The following SNED1 variants were observed in gnomAD, a reference collection of about 807,000 sequenced individuals.
SNED1 encodes sushi, nidogen and EGF-like domain-containing protein 1.
A neutral mutation model predicts 166.7 loss-of-function variants in SNED1; 81 were observed. The ratio of observed to expected loss-of-function variants is 0.49; its 90% CI spans 0.41 to 0.58. The LOEUF (loss-of-function observed/expected upper bound fraction) is 0.58. SNED1 is among the 20% of genes least tolerant of loss of function. The probability of loss-of-function intolerance (pLI) is 0.00; values close to 1 mark genes in which losing one functional copy is unlikely to be tolerated. For synonymous variants in SNED1, 762 were observed against 822.0 expected (o/e 0.93, Z 1.25); for missense variants, 1,604 against 2,000.2 (o/e 0.80, Z 3.78).
intron 17 of SNED1, 78 bp downstream of exon 17, chr2:241,062,982 C>A: frequency 1.1e-6 from 1 of 933,978 alleles, no homozygotes; most frequent in Non-Finnish European, 1.6e-6. Context: ...GTCCCCCGGA[C>A]AGGTCTCTGT....
intron 1 of SNED1, among the ~76,000 whole-genome samples, chr2:241,008,790 C>T (rs1275111402): frequency 6.6e-6 from 1 of 152,264 alleles, no homozygotes; most frequent in Non-Finnish European, 1.5e-5. Flanking sequence ...GCGGGCCAGT[C>T]AGGGAGCACC....
chr2:241,019,162 G>GTGTGTGGACCAGGAGCACATGCCCATGT (rs2060691486), intron 1 of SNED1, among the ~76,000 whole-genome samples: 1 of 150,950 alleles, frequency 6.6e-6, no homozygotes, highest in Non-Finnish European at 1.5e-5. Context: ...CATGCCCATG[G>GTGTGTGGACCAGGAGCACATGCCCATGT]TGTGTGGACC....
At chr2:241,022,639 C>T (rs2060806949) in intron 1 of SNED1, among the ~76,000 whole-genome samples, 2 of 152,134 alleles carry the variant, frequency 1.3e-5, no homozygotes, top group Non-Finnish European at 2.9e-5. Flanking sequence ...AAACACTTAC[C>T]ACTTGTGGAG....
At chr2:241,031,464 A>G (rs2061166028) in intron 2 of SNED1, among the ~76,000 whole-genome samples, 1 of 152,204 alleles carries the variant, frequency 6.6e-6, no homozygotes, top group African/African-American at 2.4e-5. Context: ...GTGACAGGCA[A>G]GTGTTCTAGG....
At chr2:241,065,175 A>G (rs1410683160) in intron 20 of SNED1, 124 bp from the exon 21 acceptor site, 5 of 1,017,748 alleles carry the variant, frequency 4.9e-6, no homozygotes, top group Non-Finnish European at 7.2e-6. Context: ...ACAAAGAAGG[A>G]CTCTGCCAGC....
At chr2:241,087,814 T>C (rs1007647086) in intron 30 of SNED1, 18 of 696,904 alleles carry the variant, frequency 2.6e-5, no homozygotes, top group Non-Finnish European at 3.1e-5. Context: ...CGTCGCTCTT[T>C]ACTTTTTATT....
chr2:241,052,442 G>A lies in SNED1; in HGVS notation c.2057G>A (p.Gly686Glu). Reference sequence around the variant, plus strand: ...GATTTCTTCTGCCACTGCCAAGCAGGGTACATGGGACGCCGGTGCCAGGCA... The same window carrying A: ...GATTTCTTCTGCCACTGCCAAGCAGAGTACATGGGACGCCGGTGCCAGGCA... The part of the protein sequence containing the change: ...DTDFFCHCQA[G>E]YMGRRCQAEV... The change falls in exon 15 of 32, where the codon GGG (glycine) becomes GAG (glutamate). Residue 686 changes from glycine (G) to glutamate (E), a missense_variant. By Grantham distance (98) the Gly-to-Glu change is moderately conservative. This residue lies in a region of SNED1 where 1,237 missense variants were observed against 1,620.8 expected (regional missense o/e 0.76). Transcript: ENST00000310397. 1 of 1,610,132 alleles carries A rather than the reference G, an allele frequency of 6.2e-7. No homozygotes were observed. The highest frequency in any genetic ancestry group is 8.5e-7 in the Non-Finnish European group (1 of 1,178,116).
chr2:241,019,230 TC>T (rs1181087117), intron 1 of SNED1, among the ~76,000 whole-genome samples: 1 of 149,886 alleles, frequency 6.7e-6, no homozygotes, highest in African/African-American at 2.5e-5. Flanking sequence ...GAGGCTGGAG[TC>T]TTTCGGAGTT....
chr2:241,090,955 G>A (rs982443341), intron 31 of SNED1, among the ~76,000 whole-genome samples: 5 of 151,954 alleles, frequency 3.3e-5, no homozygotes, highest in South Asian at 2.1e-4. Flanking sequence ...TGTCATGCGC[G>A]CGGTCCTTCA....
chr2:241,090,266 G>A (rs1214037300), intron 31 of SNED1: 5 of 1,535,106 alleles, frequency 3.3e-6, no homozygotes, highest in Non-Finnish European at 4.4e-6. Flanking sequence ...ACACACATTG[G>A]CTTATGCCTA....
At position 241,067,129 on chromosome 2, in the gene SNED1, C is replaced by T. The variant is rs187675909; in HGVS notation, c.3011-635C>T. 7.4e-4 allele frequency among the ~76,000 whole-genome samples: 113 copies of T among 152,272 alleles called. 4 individuals carry two copies. In the East Asian group the frequency reaches 0.02, roughly 27 times the overall value. On this transcript the variant is annotated intron_variant, in intron 21 of 31. Coordinates refer to ENST00000310397, the MANE Select transcript of SNED1 (RefSeq NM_001080437.3). ...GAGTGAAGACAGAGCCCGCCCTGCC[C>T]GCTGCAGAGTTGGGGCTCCAGCCAG...
intron 1 of SNED1, among the ~76,000 whole-genome samples, chr2:241,001,558 C>CGAGGAGTGTGGCGTGCT (rs1202643517): frequency 6.6e-6 from 1 of 152,226 alleles, no homozygotes; most frequent in African/African-American, 2.4e-5. Flanking sequence ...CGTGGCGCGC[C>CGAGGAGTGTGGCGTGCT]GAGGAGTGTG....
intron 1 of SNED1, among the ~76,000 whole-genome samples, chr2:241,008,211 G>A (rs1487290821): frequency 6.6e-6 from 1 of 152,242 alleles, no homozygotes; most frequent in African/African-American, 2.4e-5. Flanking sequence ...ATCCCAAGTG[G>A]GGGAACAGAG....
chr2:241,016,534 C>G (rs1364526933), intron 1 of SNED1, among the ~76,000 whole-genome samples: 1 of 152,134 alleles, frequency 6.6e-6, no homozygotes, highest in Non-Finnish European at 1.5e-5. Context: ...ATTGCTGAAT[C>G]AGTTTGCTAA....
intron 1 of SNED1, among the ~76,000 whole-genome samples, chr2:241,014,020 T>C (rs2060497466): frequency 6.6e-6 from 1 of 152,038 alleles, no homozygotes; most frequent in African/African-American, 2.4e-5. Flanking sequence ...TTTTCTTTTT[T>C]TTTTTTAAGA....
chr2:241,000,946 G>A (rs192082048), intron 1 of SNED1, among the ~76,000 whole-genome samples: 200 of 152,348 alleles, frequency 1.3e-3, no homozygotes, highest in Non-Finnish European at 2.3e-3. Flanking sequence ...AGAGAGAAAG[G>A]GGTGCTTGGC....
intron 1 of SNED1, among the ~76,000 whole-genome samples, chr2:241,012,825 C>CTTTTT (rs59199140): frequency 6.7e-5 from 9 of 134,882 alleles, no homozygotes; most frequent in African/African-American, 8.4e-5. Context: ...TTTTTTTTTT[C>CTTTTT]TTTTTTTTTT....
At chr2:241,020,788 G>A (rs976562695) in intron 1 of SNED1, among the ~76,000 whole-genome samples, 3 of 152,082 alleles carry the variant, frequency 2.0e-5, no homozygotes, top group Non-Finnish European at 2.9e-5. Context: ...ATGGCCTCTC[G>A]ACTCCAGCAG....
chr2:241,033,787 T>A lies in SNED1; in HGVS notation c.554T>A (p.Ile185Asn). The change falls in exon 3 of 32, where the codon ATC (isoleucine) becomes AAC (asparagine). Residue 185 changes from isoleucine (I) to asparagine (N), a missense_variant. By Grantham distance (149) the Ile-to-Asn change is moderately radical. Transcript: ENST00000310397. ...LITDGKLSFT[I>N]FNYESIVWTT... ...ACAGACGGCAAGCTCTCCTTCACCATCTTCAACTATGAGTCCATCGTGTGG... is the reference window on the plus strand; with the variant it reads ...ACAGACGGCAAGCTCTCCTTCACCAACTTCAACTATGAGTCCATCGTGTGG... The A allele has an allele frequency of 6.2e-7, 1 of 1,611,812 alleles. No individual in the cohort carries two copies. Among genetic ancestry groups the A allele is most frequent in the Non-Finnish European group, 8.5e-7 (1 of 1,179,538 alleles).
Sources: gnomAD v4.1 joint callset for allele counts (sites outside exome capture counted in the v4.1 genomes callset) on GRCh38, gnomAD v4.1.1 for gene constraint, gnomAD v4.1.1 regional missense constraint, MANE v1.5 for transcripts, NCBI Gene and HGNC (gene_info 2026-07-23, HGNC 2026-07-21) for gene names.